Variants in RAPGEF4 observed in about 807,000 individuals in gnomAD.
The protein encoded by RAPGEF4 is Rap guanine nucleotide exchange factor 4.
A neutral mutation model predicts 147.9 loss-of-function variants in RAPGEF4; 66 were observed. The ratio of observed to expected loss-of-function variants is 0.45; its 90% CI spans 0.37 to 0.55. The LOEUF is 0.55. Among genes scored for constraint, RAPGEF4 ranks in the 20% least tolerant of loss-of-function variants. The pLI is 0.00. For synonymous variants in RAPGEF4, 419 were observed against 442.7 expected (o/e 0.95, Z 0.67); for missense variants, 1,071 against 1,257.3 (o/e 0.85, Z 2.24).
chr2:172,900,801 G>T (rs1210299368), intron 4 of RAPGEF4, among the ~76,000 whole-genome samples: 1 of 152,038 alleles, frequency 6.6e-6, no homozygotes, highest in Non-Finnish European at 1.5e-5. Context: ...AGCAAAACTG[G>T]TTCCTTTTAA....
intron 6 of RAPGEF4, among the ~76,000 whole-genome samples, chr2:172,943,241 T>A (rs1687350176): frequency 6.6e-6 from 1 of 152,166 alleles, no homozygotes; most frequent in Non-Finnish European, 1.5e-5. Flanking sequence ...GGAGTTTGGA[T>A]TTGTTCCTAG....
At chr2:172,844,707 T>C (rs887952430) in intron 4 of RAPGEF4, among the ~76,000 whole-genome samples, 1 of 152,210 alleles carries the variant, frequency 6.6e-6, no homozygotes, top group Non-Finnish European at 1.5e-5. Flanking sequence ...TTTGAGACAT[T>C]TGACATTTTG....
In RAPGEF4 at chr2:172,814,363, G is replaced by A. The variant is rs200390261; in HGVS notation, c.382G>A (p.Val128Ile). 14 of 1,614,140 alleles carry A rather than the reference G, an allele frequency of 8.7e-6. No homozygotes were observed. Among genetic ancestry groups the A allele is most frequent in the African/African-American group, 2.7e-5 (2 of 75,042 alleles). ...CAACACACCCCGCCATGCAACCATC[G>A]TTACCAGGGAGAGCAGTGAACTGCT... The part of the protein sequence containing the change: ...LDNTPRHATI[V>I]TRESSELLRI... The change falls in exon 4 of 31, where the codon GTT becomes ATT. Residue 128 changes from valine (V) to isoleucine (I), a missense_variant. Transcript: ENST00000397081.
At chr2:172,837,787 C>G (rs1691128824) in intron 4 of RAPGEF4, among the ~76,000 whole-genome samples, 1 of 152,142 alleles carries the variant, frequency 6.6e-6, no homozygotes, top group Non-Finnish European at 1.5e-5. Context: ...TGGTCTCAAA[C>G]TCCCATCCTC....
At chr2:172,912,717 A>C (rs1683570189) in intron 4 of RAPGEF4, among the ~76,000 whole-genome samples, 1 of 152,116 alleles carries the variant, frequency 6.6e-6, no homozygotes, top group East Asian at 1.9e-4. Flanking sequence ...CAGCTAAGAG[A>C]AAGCAGCTGC....
At chr2:172,888,994 AC>A (rs951175112) in intron 4 of RAPGEF4, among the ~76,000 whole-genome samples, 4 of 152,104 alleles carry the variant, frequency 2.6e-5, no homozygotes, top group African/African-American at 9.7e-5. Context: ...CTTCCTAGAC[AC>A]CTCTTCACCG....
chr2:172,993,301 G>T lies in RAPGEF4; in HGVS notation c.1490+2376G>T, dbSNP rs555103415. Among the ~76,000 whole-genome samples, 278 of 152,218 alleles carry T rather than the reference G, an allele frequency of 1.8e-3. 5 individuals carry two copies. The highest frequency in any genetic ancestry group is 0.017 in the Middle Eastern group (5 of 294). On this transcript the variant is annotated intron_variant, in intron 15 of 30. Transcript: ENST00000397081. The stretch of plus-strand genomic sequence containing the variant: ...GTCTTTCTGCTGTGTGGTTATGCGG[G>T]TTTAGTAAGAAAGAATTTGAAATGC...
intron 6 of RAPGEF4, among the ~76,000 whole-genome samples, chr2:172,925,727 C>T (rs929770757): frequency 2.3e-5 from 3 of 129,818 alleles, no homozygotes; most frequent in Non-Finnish European, 3.1e-5. Flanking sequence ...CCTGGGCAAC[C>T]GAGTGAGAAG....
At chr2:172,766,279 C>T (rs369427956) in intron 1 of RAPGEF4, among the ~76,000 whole-genome samples, 58 of 152,198 alleles carry the variant, frequency 3.8e-4, no homozygotes, top group South Asian at 1.5e-3. Flanking sequence ...GGGCCGGGCA[C>T]GGTGGCTCAC....
chr2:172,814,729 C>A, intron 4 of RAPGEF4: 1 of 368,444 alleles, frequency 2.7e-6, no homozygotes, highest in Non-Finnish European at 5.2e-6. Flanking sequence ...CAGATGTATT[C>A]TTAACCAGGG....
intron 1 of RAPGEF4, among the ~76,000 whole-genome samples, chr2:172,788,148 T>TA (rs1335378402): frequency 6.6e-6 from 1 of 152,220 alleles, no homozygotes; most frequent in Non-Finnish European, 1.5e-5. Context: ...GCTCTGCCCT[T>TA]ACGGTCTAAT....
chr2:173,030,104 ATTTT>A, intron 25 of RAPGEF4, 56 bp from the exon 26 acceptor site: 1 of 1,199,658 alleles, frequency 8.3e-7, no homozygotes, highest in Non-Finnish European at 1.2e-6. Flanking sequence ...TAGAACTCTA[ATTTT>A]TTTTATCTCA....
At chr2:172,810,023 A>G (rs1423384647) in intron 3 of RAPGEF4, among the ~76,000 whole-genome samples, 1 of 152,198 alleles carries the variant, frequency 6.6e-6, no homozygotes, top group Non-Finnish European at 1.5e-5. Context: ...AAATACACAG[A>G]TTGGCTGACT....
intron 4 of RAPGEF4, among the ~76,000 whole-genome samples, chr2:172,912,337 T>C (rs16861024): frequency 0.016 from 2,456 of 152,322 alleles, 70 homozygotes; most frequent in African/African-American, 0.056. Flanking sequence ...TGCATAAGCC[T>C]TTTCCTACTT....
At chr2:172,860,807 A>G (rs1162856810) in intron 4 of RAPGEF4, among the ~76,000 whole-genome samples, 1 of 152,168 alleles carries the variant, frequency 6.6e-6, no homozygotes, top group Non-Finnish European at 1.5e-5. Context: ...ATCTGTTATT[A>G]GACAAAATAA....
chr2:172,910,056 G>A (rs918025670), intron 4 of RAPGEF4, among the ~76,000 whole-genome samples: 2 of 152,184 alleles, frequency 1.3e-5, no homozygotes, highest in African/African-American at 4.8e-5. Context: ...CTGCAGACCA[G>A]CCCCATCAGT....
intron 1 of RAPGEF4, among the ~76,000 whole-genome samples, chr2:172,756,406 C>T (rs1279759352): frequency 3.3e-5 from 5 of 152,184 alleles, no homozygotes; most frequent in Admixed American, 1.3e-4. Flanking sequence ...CAGTCAGCTC[C>T]CACTCTTAGC....
At chr2:172,843,308 A>C (rs1006708898) in intron 4 of RAPGEF4, among the ~76,000 whole-genome samples, 1 of 152,214 alleles carries the variant, frequency 6.6e-6, no homozygotes, top group Non-Finnish European at 1.5e-5. Flanking sequence ...GCTAAGTAAA[A>C]ATATAGGCTC....
intron 6 of RAPGEF4, among the ~76,000 whole-genome samples, chr2:172,935,451 G>A (rs1334790702): frequency 6.6e-6 from 1 of 152,164 alleles, no homozygotes; most frequent in Non-Finnish European, 1.5e-5. Flanking sequence ...CCCAGAAGGA[G>A]GAGGAATGAT....
Sources: gnomAD v4.1 joint callset for allele counts (sites outside exome capture counted in the v4.1 genomes callset) on GRCh38, gnomAD v4.1.1 for gene constraint, MANE v1.5 for transcripts, NCBI Gene and HGNC (gene_info 2026-07-23, HGNC 2026-07-21) for gene names.